Variants in RAD51C observed in about 807,000 individuals in gnomAD.
The protein encoded by RAD51C is RAD51 paralog C.
RAD51C carries 42 observed loss-of-function variants against 45.0 expected under a neutral mutation model. That is an observed-to-expected ratio of 0.93 (90% CI 0.73 to 1.21). The LOEUF (loss-of-function observed/expected upper bound fraction) is 1.21, where lower values mean the gene tolerates loss of function less well. Among genes scored for constraint, RAD51C ranks in the 50% most tolerant of loss-of-function variants. RAD51C has a pLI of 0.00. For missense variants in RAD51C, 474 were observed against 452.2 expected (o/e 1.05, Z -0.44); for synonymous variants, 172 against 159.8 (o/e 1.08, Z -0.58).
chr17:58,698,584 C>T (rs1204398534), intron 3 of RAD51C, among the ~76,000 whole-genome samples: 1 of 151,908 alleles, frequency 6.6e-6, no homozygotes, highest in Non-Finnish European at 1.5e-5. Context: ...CCACCTCGGC[C>T]TCCCAAAGTG....
rs34517797 is a variant in RAD51C at position 58,734,588 on chromosome 17, G to GTTTTTT, written c.*384_*389dup. ...AAGAAACATATCATATTCTTATTGTGTTTTTTTTTTTTTTTTTTTTTTTGG... is the reference window on the plus strand; with the variant it reads ...AAGAAACATATCATATTCTTATTGTGTTTTTTTTTTTTTTTTTTTTTTTTTTTTTGG... On this transcript the variant is annotated 3_prime_UTR_variant, in exon 9 of 9. Coordinates refer to ENST00000337432, the MANE Select transcript of RAD51C (RefSeq NM_058216.3). The GTTTTTT allele has an allele frequency of 1.2e-4, 12 of 102,492 alleles. No individual in the cohort carries two copies. Among genetic ancestry groups the GTTTTTT allele is most frequent in the African/African-American group, 2.0e-4 (4 of 20,414 alleles). The allele number at this position is 102,492 out of a possible 1,614,324, so 6.3% of individuals were successfully genotyped here.
intron 7 of RAD51C, among the ~76,000 whole-genome samples, chr17:58,728,849 A>G (rs964104603): frequency 6.6e-6 from 1 of 152,160 alleles, no homozygotes; most frequent in South Asian, 2.1e-4. Flanking sequence ...TAAAAGAAAT[A>G]CTTTTGTCTA....
chr17:58,702,691 T>TAA (rs528849500), intron 3 of RAD51C, among the ~76,000 whole-genome samples: 4 of 125,302 alleles, frequency 3.2e-5, no homozygotes, highest in Admixed American at 1.7e-4. Context: ...AGACTTTATC[T>TAA]AAAAAAAAAA....
At chr17:58,712,652 C>G (rs1458946445) in intron 5 of RAD51C, among the ~76,000 whole-genome samples, 1 of 151,608 alleles carries the variant, frequency 6.6e-6, no homozygotes, top group Non-Finnish European at 1.5e-5. Flanking sequence ...AACCCCATCT[C>G]TACTAAAAAT....
At chr17:58,732,721 A>G (rs2049483258) in intron 8 of RAD51C, 177 bp downstream of exon 8, 3 of 616,742 alleles carry the variant, frequency 4.9e-6, no homozygotes, top group South Asian at 3.9e-5. Flanking sequence ...TTGTAGTCAC[A>G]AATGGACTGA....
intron 4 of RAD51C, among the ~76,000 whole-genome samples, chr17:58,709,257 T>TTA (rs1013380952): frequency 6.6e-6 from 1 of 151,786 alleles, no homozygotes; most frequent in Non-Finnish European, 1.5e-5. Context: ...TTTTGTAGTT[T>TTA]TAGCAGAGAT....
intron 3 of RAD51C, among the ~76,000 whole-genome samples, chr17:58,702,889 G>A (rs373383376): frequency 1.3e-5 from 2 of 152,100 alleles, no homozygotes; most frequent in South Asian, 2.1e-4. Flanking sequence ...GACATCAGGT[G>A]GGGGGCGGCG....
At chr17:58,723,395 C>T (rs895100886) in intron 6 of RAD51C, among the ~76,000 whole-genome samples, 29 of 151,478 alleles carry the variant, frequency 1.9e-4, no homozygotes, top group African/African-American at 6.8e-4. Context: ...TAATAAATGT[C>T]CAGGTGCCCA....
chr17:58,728,695 TC>T (rs1427679008), intron 7 of RAD51C, among the ~76,000 whole-genome samples: 1 of 152,090 alleles, frequency 6.6e-6, no homozygotes, highest in Non-Finnish European at 1.5e-5. Context: ...ACAGCACCCG[TC>T]CAGAAACTAA....
At chr17:58,700,165 A>C (rs2048162286) in intron 3 of RAD51C, 1 of 152,124 alleles carries the variant, frequency 6.6e-6, no homozygotes, top group South Asian at 2.1e-4. Flanking sequence ...CTCCAAATCT[A>C]ACCAAACTTT....
chr17:58,701,718 G>GCACAAC (rs1164293757), intron 3 of RAD51C, among the ~76,000 whole-genome samples: 2 of 151,276 alleles, frequency 1.3e-5, no homozygotes, highest in Non-Finnish European at 2.9e-5. Flanking sequence ...TTACAGGCAT[G>GCACAAC]CACCACCACA....
At chr17:58,706,212 A>G (rs2048374436) in intron 4 of RAD51C, among the ~76,000 whole-genome samples, 1 of 151,930 alleles carries the variant, frequency 6.6e-6, no homozygotes, top group Non-Finnish European at 1.5e-5. Flanking sequence ...GCAGATCACG[A>G]AGTCAGGAGT....
chr17:58,716,555 C>T (rs545892920), intron 5 of RAD51C, among the ~76,000 whole-genome samples: 6 of 151,594 alleles, frequency 4.0e-5, no homozygotes, highest in East Asian at 2.0e-4. Context: ...CTCCTCCTCC[C>T]GGGTTCACGC....
intron 5 of RAD51C, among the ~76,000 whole-genome samples, chr17:58,711,873 A>G (rs2048568882): frequency 1.3e-5 from 2 of 151,880 alleles, no homozygotes; most frequent in Non-Finnish European, 2.9e-5. Context: ...CAATTAACAT[A>G]TATATAACAT....
At chr17:58,721,535 G>A (rs1481551688) in intron 6 of RAD51C, among the ~76,000 whole-genome samples, 2 of 152,138 alleles carry the variant, frequency 1.3e-5, no homozygotes, top group African/African-American at 4.8e-5. Flanking sequence ...TGAGGCGGGT[G>A]GATCACCTGA....
At chr17:58,700,954 TG>T (rs1484263923) in intron 3 of RAD51C, among the ~76,000 whole-genome samples, 5 of 152,158 alleles carry the variant, frequency 3.3e-5, no homozygotes, top group African/African-American at 1.2e-4. Context: ...CGGATTGCAG[TG>T]GCATGATCAC....
At chr17:58,716,883 C>T (rs890645312) in intron 5 of RAD51C, among the ~76,000 whole-genome samples, 6 of 151,838 alleles carry the variant, frequency 4.0e-5, no homozygotes, top group African/African-American at 1.2e-4. Context: ...ATTCTCCTGC[C>T]TCTGCCTCCT....
At chr17:58,697,840 G>A (rs1431381929) in intron 3 of RAD51C, among the ~76,000 whole-genome samples, 4 of 151,804 alleles carry the variant, frequency 2.6e-5, no homozygotes, top group Non-Finnish European at 4.4e-5. Context: ...AGCCTCCCGA[G>A]TAGCTGGAAT....
In RAD51C at chr17:58,734,150, T is replaced by C. The variant is rs1399862812; in HGVS notation, c.1059T>C (p.Ser353=). Residue 353 remains serine (S), a synonymous_variant, in exon 9 of 9, where the codon TCT becomes TCC. Transcript: ENST00000337432. ...PQGFRDTVVT[S]ACSLQTEGSL... is the part of the protein sequence containing the mutation. ...GATTTAGAGATACTGTTGTTACTTC[T>C]GCATGTTCATTGCAAACAGAAGGTT... is the stretch of plus-strand genomic sequence containing the variant. 1 of 1,613,694 alleles carries C rather than the reference T, an allele frequency of 6.2e-7. No individual in the cohort carries two copies. Among genetic ancestry groups the C allele is most frequent in the African/African-American group, 1.3e-5 (1 of 75,052 alleles).
Sources: allele counts gnomAD v4.1 joint callset (sites outside exome capture counted in the v4.1 genomes callset), GRCh38; gene constraint gnomAD v4.1.1; transcripts MANE v1.5; gene names NCBI Gene and HGNC (gene_info 2026-07-23, HGNC 2026-07-21).